PTPN12: variants seen among roughly 807,000 people sequenced by gnomAD.
PTPN12 encodes the protein tyrosine-protein phosphatase non-receptor type 12.
Under a neutral mutation model 97.6 loss-of-function variants are expected in PTPN12, and 29 were observed. The observed-to-expected ratio is 0.30, with a 90% CI of 0.22 to 0.41. The LOEUF is 0.41. Ranked by LOEUF, PTPN12 falls within the 10% of genes least tolerant of loss-of-function variation. The pLI is 1.00. For missense variants in PTPN12, 819 were observed against 926.0 expected (o/e 0.88, Z 1.50); for synonymous variants, 327 against 300.4 (o/e 1.09, Z -0.91).
intron 1 of PTPN12, among the ~76,000 whole-genome samples, chr7:77,558,210 C>CAAAAAAAAAAAAAAAAAGAAAAAAAAA (rs1807812628): frequency 1.1e-5 from 1 of 93,614 alleles, no homozygotes; most frequent in African/African-American, 3.9e-5. Flanking sequence ...GACTCCATCT[C>CAAAAAAAAAAAAAAAAAGAAAAAAAAA]AAAAAAAAAA....
chr7:77,570,473 G>A (rs1164715663), intron 1 of PTPN12, among the ~76,000 whole-genome samples: 1 of 152,172 alleles, frequency 6.6e-6, no homozygotes, highest in African/African-American at 2.4e-5. Context: ...GTGTATTACT[G>A]ACACGCAGAA....
At chr7:77,566,235 T>C (rs1244671554) in intron 1 of PTPN12, among the ~76,000 whole-genome samples, 1 of 152,204 alleles carries the variant, frequency 6.6e-6, no homozygotes, top group Non-Finnish European at 1.5e-5. Context: ...AAGAGCATTA[T>C]AAAAAGAGGC....
At chr7:77,560,480 C>T (rs1249791203) in intron 1 of PTPN12, among the ~76,000 whole-genome samples, 1 of 152,148 alleles carries the variant, frequency 6.6e-6, no homozygotes, top group African/African-American at 2.4e-5. Flanking sequence ...TATAACCAAT[C>T]TCTAGAACTC....
chr7:77,634,616 A>G (rs1789521776), intron 14 of PTPN12, among the ~76,000 whole-genome samples: 2 of 149,240 alleles, frequency 1.3e-5, no homozygotes, highest in African/African-American at 2.5e-5. Flanking sequence ...ATTTTTTTGT[A>G]TTTTTTTTAG....
intron 6 of PTPN12, among the ~76,000 whole-genome samples, chr7:77,596,612 A>G (rs1788030436): frequency 6.6e-6 from 1 of 152,180 alleles, no homozygotes; most frequent in African/African-American, 2.4e-5. Context: ...GGGTTCTGCT[A>G]TATTGTTCAG....
At chr7:77,562,080 G>GTC (rs1379888395) in intron 1 of PTPN12, among the ~76,000 whole-genome samples, 1 of 151,718 alleles carries the variant, frequency 6.6e-6, no homozygotes, top group African/African-American at 2.4e-5. Flanking sequence ...TTGAGACAGA[G>GTC]TCTCACTCTG....
intron 11 of PTPN12, 97 bp from the exon 12 acceptor site, chr7:77,618,379 ATTGT>A (rs1048636271): frequency 5.3e-6 from 4 of 754,610 alleles, no homozygotes; most frequent in Admixed American, 2.8e-5. Flanking sequence ...CAAAATTGGC[ATTGT>A]TTAAGGATTG....
intron 6 of PTPN12, among the ~76,000 whole-genome samples, chr7:77,596,926 A>G (rs1788039779): frequency 6.6e-6 from 1 of 152,144 alleles, no homozygotes; most frequent in Non-Finnish European, 1.5e-5. Flanking sequence ...TCTTGGTGCT[A>G]TACATTCTGT....
In PTPN12 at chr7:77,567,778, A is replaced by G. The variant is rs546268612; in HGVS notation, c.100-3300A>G. On this transcript the variant is annotated intron_variant, in intron 1 of 17. Transcript: ENST00000248594. ...AAAGAAATAAATCTGAAGTAACAAC[A>G]TTTAAAGAGTTCCAGTAATTAGTTC... Among the ~76,000 whole-genome samples, 11 of 152,356 alleles carry G rather than the reference A, an allele frequency of 7.2e-5. No homozygotes were observed. In the Middle Eastern group the frequency reaches 0.01, roughly 141 times the overall value.
intron 11 of PTPN12, among the ~76,000 whole-genome samples, chr7:77,615,787 A>G (rs967173232): frequency 2.6e-5 from 4 of 152,218 alleles, no homozygotes; most frequent in African/African-American, 7.2e-5. Flanking sequence ...TGTATACATG[A>G]CAAATGTGGA....
At chr7:77,619,534 G>C (rs1788863350) in intron 12 of PTPN12, among the ~76,000 whole-genome samples, 1 of 152,158 alleles carries the variant, frequency 6.6e-6, no homozygotes, top group African/African-American at 2.4e-5. Flanking sequence ...TGCCTGGGAA[G>C]GAAGCTGCTG....
intron 1 of PTPN12, among the ~76,000 whole-genome samples, chr7:77,556,774 G>A (rs1807732229): frequency 6.6e-6 from 1 of 151,980 alleles, no homozygotes; most frequent in African/African-American, 2.4e-5. Flanking sequence ...AGGTTGCAGT[G>A]ATCCGAGACC....
intron 11 of PTPN12, among the ~76,000 whole-genome samples, chr7:77,616,874 T>G (rs9641260): frequency 2.0e-5 from 3 of 151,890 alleles, no homozygotes; most frequent in African/African-American, 7.3e-5. Context: ...CCTCTGCCTC[T>G]CAGGTTCAAG....
chr7:77,575,561 T>C (rs536261689), intron 2 of PTPN12, among the ~76,000 whole-genome samples: 2 of 152,348 alleles, frequency 1.3e-5, no homozygotes, highest in South Asian at 2.1e-4. Flanking sequence ...TGTTTTAACA[T>C]GTGCAGTGCT....
chr7:77,548,538 A>AG (rs1484357292), intron 1 of PTPN12, among the ~76,000 whole-genome samples: 1 of 152,230 alleles, frequency 6.6e-6, no homozygotes, highest in Non-Finnish European at 1.5e-5. Flanking sequence ...TGCCATAGAA[A>AG]GGTGGTGGAA....
At chr7:77,609,605 G>A (rs1312531394) in intron 9 of PTPN12, among the ~76,000 whole-genome samples, 1 of 151,856 alleles carries the variant, frequency 6.6e-6, no homozygotes, top group African/African-American at 2.4e-5. Context: ...TCTTGGCTGG[G>A]CGCGGTGGCT....
intron 8 of PTPN12, among the ~76,000 whole-genome samples, chr7:77,601,771 C>T (rs1366257947): frequency 3.3e-5 from 5 of 152,058 alleles, no homozygotes; most frequent in Admixed American, 1.3e-4. Flanking sequence ...TCAGTTTCCA[C>T]GTTTGCACCA....
At chr7:77,583,726 A>G in intron 4 of PTPN12, 76 bp downstream of exon 4, 1 of 893,720 alleles carries the variant, frequency 1.1e-6, no homozygotes, top group South Asian at 2.0e-5. Context: ...TGAATAAGGA[A>G]TGAGGGGATT....
chr7:77,601,004 A>T (rs1317302330), intron 8 of PTPN12, 198 bp downstream of exon 8: 10 of 515,430 alleles, frequency 1.9e-5, no homozygotes, highest in Non-Finnish European at 3.4e-5. Flanking sequence ...AAAACACAGG[A>T]TCATCTATTT....
Sources: gnomAD v4.1 joint callset for allele counts (sites outside exome capture counted in the v4.1 genomes callset) on GRCh38, gnomAD v4.1.1 for gene constraint, MANE v1.5 for transcripts, NCBI Gene and HGNC (gene_info 2026-07-23, HGNC 2026-07-21) for gene names.